YPEL2: variants seen among roughly 807,000 people sequenced by gnomAD.
YPEL2 encodes the protein yippee like 2.
Under a neutral mutation model 19.1 loss-of-function variants are expected in YPEL2, and 2 were observed. The observed-to-expected ratio is 0.10, with a 90% CI of 0.04 to 0.33. The LOEUF is 0.33. YPEL2 is among the 10% of genes least tolerant of loss of function. The pLI is 1.00. For synonymous variants in YPEL2, 52 were observed against 50.0 expected (o/e 1.04, Z -0.17); for missense variants, 66 against 140.7 (o/e 0.47, Z 2.68).
At chr17:59,338,985 C>G (rs950821787) in intron 1 of YPEL2, among the ~76,000 whole-genome samples, 4 of 152,176 alleles carry the variant, frequency 2.6e-5, no homozygotes, top group African/African-American at 9.7e-5. Flanking sequence ...TGAGGTCGTG[C>G]TTGATCCCTC....
In YPEL2 at chr17:59,397,281, C is replaced by T. The variant is rs1182130324; in HGVS notation, c.*91C>T. The T allele has an allele frequency of 1.8e-5, 19 of 1,073,892 alleles. No individual in the cohort carries two copies. In the South Asian group the frequency reaches 3.4e-4, roughly 19 times the overall value. The allele number at this position is 1,073,892 out of a possible 1,614,324, so 66.5% of individuals were successfully genotyped here. ...GTGAGAGAGTGACTGACACTTGGTTCCATCCATTTAGGGGCCTTGCCATCC... is the reference window on the plus strand; with the variant it reads ...GTGAGAGAGTGACTGACACTTGGTTTCATCCATTTAGGGGCCTTGCCATCC... On this transcript the variant is annotated 3_prime_UTR_variant, in exon 5 of 5. Transcript: ENST00000312655.
chr17:59,374,052 C>T (rs2047909016), intron 2 of YPEL2, among the ~76,000 whole-genome samples: 1 of 152,168 alleles, frequency 6.6e-6, no homozygotes, highest in Admixed American at 6.5e-5. Flanking sequence ...ACAGAATGTT[C>T]ACCCTTGTAA....
rs2048058342 is a variant in YPEL2, at chr17:59,399,387, A to T, written c.*2197A>T. 6.6e-6 allele frequency: 1 copy of T among 152,258 alleles called. No homozygotes were observed. Among genetic ancestry groups the T allele is most frequent in the African/African-American group, 2.4e-5 (1 of 41,466 alleles). 9.4% of individuals were successfully genotyped at this position (152,258 alleles called of 1,614,324 possible). A position where few individuals can be genotyped will look rare whatever the true frequency, so the allele number is the denominator to read the frequency against. On this transcript the variant is annotated 3_prime_UTR_variant, in exon 5 of 5. Coordinates refer to ENST00000312655, the MANE Select transcript of YPEL2 (RefSeq NM_001005404.4). Reference sequence around the variant, plus strand: ...GTAGGTATTTTGTCTTTCAAACTACAAATGGAATGTGGTGACATAAACTAG... The same window carrying T: ...GTAGGTATTTTGTCTTTCAAACTACTAATGGAATGTGGTGACATAAACTAG...
At chr17:59,361,548 GCTCCTAAGA>G (rs2047840862) in intron 2 of YPEL2, among the ~76,000 whole-genome samples, 1 of 152,196 alleles carries the variant, frequency 6.6e-6, no homozygotes, top group African/African-American at 2.4e-5. Context: ...CAGCAGCACA[GCTCCTAAGA>G]CTGGTAGATT....
chr17:59,376,949 C>CAAAAAAAAAAAAAAAAAAA (rs59030676), intron 2 of YPEL2, among the ~76,000 whole-genome samples: 1 of 48,544 alleles, frequency 2.1e-5, no homozygotes, highest in Non-Finnish European at 4.5e-5. Context: ...CACACTGTCT[C>CAAAAAAAAAAAAAAAAAAA]AAAAAAAAAA....
intron 1 of YPEL2, among the ~76,000 whole-genome samples, chr17:59,338,041 C>T (rs1425558258): frequency 1.3e-5 from 2 of 152,238 alleles, no homozygotes; most frequent in African/African-American, 4.8e-5. Flanking sequence ...CGAGGTGCAG[C>T]AGTGCCACCT....
At chr17:59,370,757 G>GGGACAGAGGAA (rs2047893179) in intron 2 of YPEL2, among the ~76,000 whole-genome samples, 2 of 62,612 alleles carry the variant, frequency 3.2e-5, no homozygotes, top group Admixed American at 1.4e-4. Context: ...ACACAGAGGA[G>GGGACAGAGGAA]GGGCACAGGT....
chr17:59,386,961 C>A (rs987517868), intron 2 of YPEL2, among the ~76,000 whole-genome samples: 1 of 152,108 alleles, frequency 6.6e-6, no homozygotes, highest in Non-Finnish European at 1.5e-5. Context: ...AGTTTTTCCA[C>A]AAGTAAAGAA....
At chr17:59,340,710 C>G (rs1288619932) in intron 1 of YPEL2, among the ~76,000 whole-genome samples, 1 of 150,806 alleles carries the variant, frequency 6.6e-6, no homozygotes, top group African/African-American at 2.4e-5. Flanking sequence ...CCACCGCACC[C>G]AGCCGAACTT....
At chr17:59,394,042 C>T (rs535105736) in intron 4 of YPEL2, among the ~76,000 whole-genome samples, 3 of 152,356 alleles carry the variant, frequency 2.0e-5, no homozygotes, top group Non-Finnish European at 4.4e-5. Context: ...ACCTTCCAGA[C>T]GGGGTGGTGG....
intron 1 of YPEL2, among the ~76,000 whole-genome samples, chr17:59,347,662 C>T (rs2047763366): frequency 6.6e-6 from 1 of 152,242 alleles, no homozygotes; most frequent in Admixed American, 6.5e-5. Flanking sequence ...AATACTAACG[C>T]ATGCCTGTGG....
chr17:59,376,909 A>C (rs1360565504), intron 2 of YPEL2, among the ~76,000 whole-genome samples: 1 of 135,898 alleles, frequency 7.4e-6, no homozygotes, highest in African/African-American at 2.8e-5. Context: ...AGATGGCACC[A>C]CTGCACTCCA....
chr17:59,349,173 CAAAAAAAAAAAA>C (rs57129006), intron 1 of YPEL2, among the ~76,000 whole-genome samples: 3 of 57,524 alleles, frequency 5.2e-5, no homozygotes, highest in African/African-American at 1.1e-4. Flanking sequence ...GACTCCGTCT[CAAAAAAAAAAAA>C]AAAAAAAAAA....
chr17:59,370,447 A>G (rs959125629), intron 2 of YPEL2, among the ~76,000 whole-genome samples: 2 of 152,162 alleles, frequency 1.3e-5, no homozygotes, highest in African/African-American at 4.8e-5. Context: ...GGTCTGTCAT[A>G]TATTCTGGTT....
intron 2 of YPEL2, among the ~76,000 whole-genome samples, chr17:59,382,786 G>GAAT (rs1468956558): frequency 2.6e-5 from 4 of 152,170 alleles, no homozygotes; most frequent in Admixed American, 2.6e-4. Context: ...AAACTCTTAG[G>GAAT]AAAAGTGGTT....
chr17:59,369,691 C>T (rs961274407), intron 2 of YPEL2, among the ~76,000 whole-genome samples: 6 of 152,324 alleles, frequency 3.9e-5, no homozygotes, highest in Admixed American at 2.0e-4. Context: ...CTAGGACAAG[C>T]GTTCTCAGTA....
intron 4 of YPEL2, among the ~76,000 whole-genome samples, chr17:59,392,605 G>T (rs565934017): frequency 6.6e-6 from 1 of 150,580 alleles, no homozygotes; most frequent in South Asian, 2.1e-4. Flanking sequence ...CCACCTCCTG[G>T]GTTCAAGCAA....
At chr17:59,344,127 C>G (rs916411789) in intron 1 of YPEL2, among the ~76,000 whole-genome samples, 4 of 152,142 alleles carry the variant, frequency 2.6e-5, no homozygotes, top group African/African-American at 9.7e-5. Flanking sequence ...CTCCTGGGCT[C>G]AAATGATCCT....
At chr17:59,341,530 G>T (rs2147934741) in intron 1 of YPEL2, among the ~76,000 whole-genome samples, 1 of 152,250 alleles carries the variant, frequency 6.6e-6, no homozygotes, top group South Asian at 2.1e-4. Context: ...GTGGTGGCGG[G>T]TGCCTATAAT....
Sources: allele counts gnomAD v4.1 joint callset (sites outside exome capture counted in the v4.1 genomes callset), GRCh38; gene constraint gnomAD v4.1.1; transcripts MANE v1.5; gene names NCBI Gene and HGNC (gene_info 2026-07-23, HGNC 2026-07-21).